Variants in ZCCHC7 observed in about 807,000 individuals in gnomAD.
ZCCHC7 encodes the protein zinc finger CCHC-type containing 7.
A neutral mutation model predicts 52.0 loss-of-function variants in ZCCHC7; 35 were observed. That is an observed-to-expected ratio of 0.67 (90% CI 0.51 to 0.89). The LOEUF (loss-of-function observed/expected upper bound fraction) is 0.89, where lower values mean the gene tolerates loss of function less well. Ranked by LOEUF, ZCCHC7 falls within the 40% of genes least tolerant of loss-of-function variation. ZCCHC7 has a pLI of 0.00. For missense variants in ZCCHC7, 574 were observed against 649.1 expected (o/e 0.88, Z 1.26); for synonymous variants, 217 against 221.5 (o/e 0.98, Z 0.18).
At chr9:37,168,537 T>C (rs1401006360) in intron 2 of ZCCHC7, among the ~76,000 whole-genome samples, 1 of 152,208 alleles carries the variant, frequency 6.6e-6, no homozygotes, top group Non-Finnish European at 1.5e-5. Context: ...CACTTTACAT[T>C]TACGATCTCA....
intron 5 of ZCCHC7, among the ~76,000 whole-genome samples, chr9:37,310,664 T>A (rs1327549516): frequency 1.3e-5 from 2 of 152,178 alleles, no homozygotes; most frequent in African/African-American, 4.8e-5. Flanking sequence ...AATCATCAGT[T>A]TATCTCCTAC....
intron 2 of ZCCHC7, chr9:37,205,006 T>A (rs966575323): frequency 6.5e-6 from 1 of 154,360 alleles, no homozygotes. Context: ...GGAGGTGGGA[T>A]CTTTAAGATA....
intron 5 of ZCCHC7, among the ~76,000 whole-genome samples, chr9:37,323,697 C>T (rs557199306): frequency 3.4e-4 from 52 of 152,172 alleles, no homozygotes; most frequent in Non-Finnish European, 6.8e-4. Context: ...GATTTCAGAC[C>T]TCAGAGCAGT....
intron 2 of ZCCHC7, among the ~76,000 whole-genome samples, chr9:37,241,655 G>A (rs1825878482): frequency 6.6e-6 from 1 of 151,624 alleles, no homozygotes. Context: ...ACTCCATTTT[G>A]CATGGATGAA....
chr9:37,237,259 C>G (rs1011408621), intron 2 of ZCCHC7, among the ~76,000 whole-genome samples: 6 of 152,168 alleles, frequency 3.9e-5, no homozygotes, highest in Admixed American at 3.3e-4. Flanking sequence ...CAAGACTGTA[C>G]TTTTGGTTTT....
intron 5 of ZCCHC7, among the ~76,000 whole-genome samples, chr9:37,318,998 A>C (rs1829945344): frequency 6.6e-6 from 1 of 151,140 alleles, no homozygotes; most frequent in South Asian, 2.1e-4. Flanking sequence ...TTGTTATGTC[A>C]GGAATTATAG....
intron 7 of ZCCHC7, among the ~76,000 whole-genome samples, chr9:37,352,888 A>G (rs530159599): frequency 2.6e-5 from 4 of 152,106 alleles, no homozygotes; most frequent in African/African-American, 9.6e-5. Context: ...TCCCCCCGAC[A>G]AAAAAACAAT....
chr9:37,301,475 C>T (rs1829028070), intron 2 of ZCCHC7, among the ~76,000 whole-genome samples: 1 of 152,086 alleles, frequency 6.6e-6, no homozygotes, highest in Non-Finnish European at 1.5e-5. Flanking sequence ...TGGCAAGTTC[C>T]TGTAGTCCCA....
chr9:37,325,213 A>G (rs545906372), intron 5 of ZCCHC7, among the ~76,000 whole-genome samples: 4 of 152,350 alleles, frequency 2.6e-5, no homozygotes, highest in Non-Finnish European at 4.4e-5. Context: ...GCACATTGCT[A>G]AAACAGATGT....
intron 2 of ZCCHC7, among the ~76,000 whole-genome samples, chr9:37,158,915 C>G (rs1820950988): frequency 6.6e-6 from 1 of 152,216 alleles, no homozygotes; most frequent in South Asian, 2.1e-4. Flanking sequence ...TAGTATGCCA[C>G]AGCCACTTCC....
In ZCCHC7 at chr9:37,217,806, T is replaced by C. The variant is rs1010976250; in HGVS notation, c.611-84382T>C. ...AAAATGTCAGAGATTGTCAGGGTTA[T>C]ATTTTAGAGTCAGAGGTAATCCTAC... On this transcript the variant is annotated intron_variant, in intron 2 of 8. Transcript: ENST00000336755. 5.9e-5 allele frequency among the ~76,000 whole-genome samples: 9 copies of C among 152,214 alleles called. 1 individual carries two copies. The highest frequency in any genetic ancestry group is 2.2e-4 in the African/African-American group (9 of 41,476).
At chr9:37,320,022 G>C (rs1829989501) in intron 5 of ZCCHC7, among the ~76,000 whole-genome samples, 1 of 152,122 alleles carries the variant, frequency 6.6e-6, no homozygotes, top group Non-Finnish European at 1.5e-5. Flanking sequence ...ATATGGTCTT[G>C]ATTACTATAG....
intron 2 of ZCCHC7, among the ~76,000 whole-genome samples, chr9:37,189,966 C>G (rs1489872095): frequency 2.0e-5 from 3 of 152,130 alleles, no homozygotes; most frequent in Admixed American, 2.0e-4. Flanking sequence ...GGGCCACTTT[C>G]CTATGCTTCT....
At chr9:37,192,204 A>G (rs1029195423) in intron 2 of ZCCHC7, among the ~76,000 whole-genome samples, 6 of 152,246 alleles carry the variant, frequency 3.9e-5, no homozygotes, top group African/African-American at 1.2e-4. Flanking sequence ...TTTCTCCAAC[A>G]TAGTGGACAT....
intron 6 of ZCCHC7, among the ~76,000 whole-genome samples, chr9:37,347,617 G>A (rs975023399): frequency 3.9e-5 from 6 of 152,054 alleles, no homozygotes; most frequent in African/African-American, 1.4e-4. Flanking sequence ...TCTCCTCACT[G>A]GAAGTAACCT....
chr9:37,161,442 G>T (rs2132904162), intron 2 of ZCCHC7, among the ~76,000 whole-genome samples: 1 of 152,172 alleles, frequency 6.6e-6, no homozygotes, highest in Non-Finnish European at 1.5e-5. Context: ...AGACATGGTG[G>T]CAGCCTCCTG....
At position 37,207,915 on chromosome 9, in the gene ZCCHC7, G is replaced by A. The variant is rs899333514; in HGVS notation, c.610+80973G>A. On this transcript the variant is annotated intron_variant, in intron 2 of 8. Transcript: ENST00000336755. The stretch of plus-strand genomic sequence containing the variant: ...TTTATTTTTGATATTTATGTTCATC[G>A]TTTTATCACTTTTTATGACCGAGGT... 3.3e-5 allele frequency among the ~76,000 whole-genome samples: 5 copies of A among 151,512 alleles called. No homozygotes were observed. The South Asian group carries it at 1.0e-3, about 32-fold the overall frequency.
intron 6 of ZCCHC7, among the ~76,000 whole-genome samples, chr9:37,330,029 T>C (rs1830394871): frequency 6.6e-6 from 1 of 151,832 alleles, no homozygotes; most frequent in Non-Finnish European, 1.5e-5. Context: ...AGCTTTACAG[T>C]TGCTTTTATC....
At chr9:37,346,654 G>A (rs1588703048) in intron 6 of ZCCHC7, among the ~76,000 whole-genome samples, 1 of 152,110 alleles carries the variant, frequency 6.6e-6, no homozygotes, top group Admixed American at 6.5e-5. Flanking sequence ...CAGCCTGAGC[G>A]ACAAAGCGAG....
Sources: allele counts gnomAD v4.1 joint callset (sites outside exome capture counted in the v4.1 genomes callset), GRCh38; gene constraint gnomAD v4.1.1; transcripts MANE v1.5; gene names NCBI Gene and HGNC (gene_info 2026-07-23, HGNC 2026-07-21).